Variants in TM9SF4 observed in about 807,000 individuals in gnomAD.
TM9SF4 encodes transmembrane 9 superfamily member 4.
TM9SF4 carries 26 observed loss-of-function variants against 90.4 expected under a neutral mutation model. The ratio of observed to expected loss-of-function variants is 0.29; its 90% CI spans 0.21 to 0.40. The LOEUF (loss-of-function observed/expected upper bound fraction) is 0.40. Ranked by LOEUF, TM9SF4 falls within the 10% of genes least tolerant of loss-of-function variation. The pLI is 1.00. For missense variants in TM9SF4, 549 were observed against 834.8 expected (o/e 0.66, Z 4.22); for synonymous variants, 293 against 315.4 (o/e 0.93, Z 0.75).
chr20:32,131,741 G>C (rs1179161076), intron 1 of TM9SF4, among the ~76,000 whole-genome samples: 2 of 152,188 alleles, frequency 1.3e-5, no homozygotes, highest in Admixed American at 6.5e-5. Context: ...GTAGAAAGAA[G>C]AGAATCCGGC....
At chr20:32,110,320 C>T (rs1770439797) in intron 1 of TM9SF4, among the ~76,000 whole-genome samples, 1 of 152,166 alleles carries the variant, frequency 6.6e-6, no homozygotes, top group Non-Finnish European at 1.5e-5. Context: ...TTCACCTACC[C>T]CACCCCCATC....
At chr20:32,139,196 G>A (rs761674730) in intron 3 of TM9SF4, among the ~76,000 whole-genome samples, 3 of 152,176 alleles carry the variant, frequency 2.0e-5, no homozygotes, top group Non-Finnish European at 4.4e-5. Context: ...TGTAGCTCGC[G>A]GCCCTGCCAT....
rs2046591672 is a variant in TM9SF4 at position 32,136,167 on chromosome 20, A to G, written c.223A>G (p.Asn75Asp). 6.2e-7 allele frequency: 1 copy of G among 1,614,076 alleles called. No individual in the cohort carries two copies. The highest frequency in any genetic ancestry group is 8.5e-7 in the Non-Finnish European group (1 of 1,179,986). Residue 75 changes from asparagine (N) to aspartate (D), a missense_variant, in exon 3 of 18, where the codon AAT becomes GAT. Transcript: ENST00000398022. ...CAGCAAGATAACCTACAAGGCAGAGAATCTGGGTAAGTTCTTCTCCCACAC... is the reference window on the plus strand; with the variant it reads ...CAGCAAGATAACCTACAAGGCAGAGGATCTGGGTAAGTTCTTCTCCCACAC... Reference protein sequence around the residue: ...QPSKITYKAENLGEVLRGDRI... With the variant: ...QPSKITYKAEDLGEVLRGDRI...
At chr20:32,133,268 C>A in intron 2 of TM9SF4, 142 bp downstream of exon 2, 2 of 652,068 alleles carry the variant, frequency 3.1e-6, no homozygotes, top group Non-Finnish European at 5.1e-6. Flanking sequence ...CTCCCTCTCC[C>A]TGTGCCTCTG....
intron 17 of TM9SF4, among the ~76,000 whole-genome samples, chr20:32,163,268 A>AAAAAAAAATATATATAT (rs1555886757): frequency 4.0e-5 from 3 of 74,490 alleles, no homozygotes; most frequent in Admixed American, 1.9e-4. Context: ...AAAAAAAAAA[A>AAAAAAAAATATATATAT]ATATATATAT....
chr20:32,123,759 T>G (rs2046370607), intron 1 of TM9SF4, among the ~76,000 whole-genome samples: 1 of 149,906 alleles, frequency 6.7e-6, no homozygotes, highest in African/African-American at 2.4e-5. Context: ...AATACTTCTA[T>G]TTTAATTATA....
At chr20:32,158,582 C>A in intron 15 of TM9SF4, 68 bp downstream of exon 15, 1 of 1,520,506 alleles carries the variant, frequency 6.6e-7, no homozygotes, top group Non-Finnish European at 9.1e-7. Context: ...CACTCGGGTG[C>A]TCTGCTGCCT....
chr20:32,145,955 G>A (rs1340716147), intron 8 of TM9SF4, among the ~76,000 whole-genome samples: 2 of 152,216 alleles, frequency 1.3e-5, no homozygotes, highest in African/African-American at 4.8e-5. Context: ...CCTGGGAAAA[G>A]TCTGTGCCAG....
intron 9 of TM9SF4, among the ~76,000 whole-genome samples, chr20:32,148,368 C>G (rs1313084481): frequency 6.6e-6 from 1 of 152,020 alleles, no homozygotes; most frequent in African/African-American, 2.4e-5. Flanking sequence ...TTCCATACCA[C>G]CCATGGAAGT....
At chr20:32,120,443 A>G (rs1282894687) in intron 1 of TM9SF4, among the ~76,000 whole-genome samples, 1 of 114,270 alleles carries the variant, frequency 8.8e-6, no homozygotes, top group Non-Finnish European at 1.7e-5. Context: ...TGTTGCTAGT[A>G]TGTGGAAATA....
intron 1 of TM9SF4, among the ~76,000 whole-genome samples, chr20:32,123,866 A>ATTTTTT (rs1165240152): frequency 9.6e-5 from 9 of 93,954 alleles, no homozygotes; most frequent in Admixed American, 2.4e-4. Flanking sequence ...ATATATATAT[A>ATTTTTT]TTTTTTTTTT....
Position 32,144,958 on chromosome 20 carries a change from G to A in TM9SF4, c.653-133G>A, listed in dbSNP as rs1209103464. Reference sequence around the variant, plus strand: ...TGAAAAAAAACCATTGTTGCCCATTGTGCTCCCAGTCTCCACTCCCACCCT... The same window carrying A: ...TGAAAAAAAACCATTGTTGCCCATTATGCTCCCAGTCTCCACTCCCACCCT... On this transcript the variant is annotated intron_variant, in intron 6 of 17. Transcript: ENST00000398022. 5.1e-5 allele frequency: 37 copies of A among 728,478 alleles called. No individual in the cohort carries two copies. In the Admixed American group the frequency reaches 7.9e-4, roughly 15 times the overall value. 45.1% of individuals were successfully genotyped at this position (728,478 alleles called of 1,614,324 possible).
chr20:32,165,034 G>A (rs1034734431), intron 17 of TM9SF4, among the ~76,000 whole-genome samples: 1 of 152,122 alleles, frequency 6.6e-6, no homozygotes, highest in African/African-American at 2.4e-5. Context: ...GACCAGGAAG[G>A]GCACAGCTGT....
chr20:32,118,293 A>T (rs1401613000), intron 1 of TM9SF4, among the ~76,000 whole-genome samples: 2 of 152,094 alleles, frequency 1.3e-5, no homozygotes, highest in Non-Finnish European at 2.9e-5. Flanking sequence ...TTACCCACAT[A>T]CCTGGTGCCA....
At position 32,157,818 on chromosome 20, in the gene TM9SF4, C is replaced by T. The variant is rs981807057; in HGVS notation, c.1354C>T (p.Leu452=). Residue 452 remains leucine (L), a synonymous_variant, in exon 14 of 18, where the codon CTG becomes TTG. Transcript: ENST00000398022. The part of the protein sequence containing the change: ...GAVPFPTMVA[L]LCMWFGISLP... ...GGTGCCCTTTCCCACCATGGTGGCT[C>T]TGCTGTGCATGTGGTTCGGGATCTC... 8.7e-6 allele frequency: 14 copies of T among 1,614,060 alleles called. No homozygotes were observed. The highest frequency in any genetic ancestry group is 4.4e-5 in the South Asian group (4 of 91,084).
In TM9SF4 at chr20:32,166,876, C is replaced by T. The variant is rs573299106; in HGVS notation, c.*1432C>T. ...GACAAAGCTCAGGATGCTGGTGATG[C>T]TAGGAAGATGTCCCTCCCCTCACTG... On this transcript the variant is annotated 3_prime_UTR_variant, in exon 18 of 18. Coordinates refer to ENST00000398022, the MANE Select transcript of TM9SF4 (RefSeq NM_014742.4). 2.0e-5 allele frequency: 3 copies of T among 152,118 alleles called. No homozygotes were observed. Among genetic ancestry groups the T allele is most frequent in the Non-Finnish European group, 2.9e-5 (2 of 68,046 alleles). 9.4% of individuals were successfully genotyped at this position (152,118 alleles called of 1,614,324 possible). A position where few individuals can be genotyped will look rare whatever the true frequency, so the allele number is the denominator to read the frequency against.
intron 1 of TM9SF4, 46 bp from the exon 2 acceptor site, chr20:32,132,967 C>T (rs758993652): frequency 6.4e-7 from 1 of 1,562,894 alleles, no homozygotes; most frequent in African/African-American, 1.4e-5. Flanking sequence ...AGAGGATCTT[C>T]TTCACTTCTT....
Position 32,145,468 on chromosome 20 carries a change from T to G in TM9SF4, c.883+45T>G, listed in dbSNP as rs1450953514. The G allele has an allele frequency of 2.6e-6, 4 of 1,544,258 alleles. No individual in the cohort carries two copies. In the South Asian group the frequency reaches 4.5e-5, roughly 17 times the overall value. On this transcript the variant is annotated intron_variant, in intron 8 of 17. Transcript: ENST00000398022. ...AGGGAAAGGGGATGGGGGTTGGGGT[T>G]GAGGGACTGAGACATCACATCATGT... is the stretch of plus-strand genomic sequence containing the variant.
At chr20:32,156,918 A>G (rs866586923) in intron 13 of TM9SF4, among the ~76,000 whole-genome samples, 119 of 76,502 alleles carry the variant, frequency 1.6e-3, no homozygotes, top group African/African-American at 6.3e-3. Flanking sequence ...ATTTTATTGT[A>G]TTTTTTTTTT....
Sources: gnomAD v4.1 joint callset for allele counts (sites outside exome capture counted in the v4.1 genomes callset) on GRCh38, gnomAD v4.1.1 for gene constraint, MANE v1.5 for transcripts, NCBI Gene and HGNC (gene_info 2026-07-23, HGNC 2026-07-21) for gene names.